Variants in KCNAB1 observed in about 807,000 individuals in gnomAD.
KCNAB1 encodes voltage-gated potassium channel subunit beta-1.
Under a neutral mutation model 64.6 loss-of-function variants are expected in KCNAB1, and 35 were observed. The observed-to-expected ratio is 0.54, with a 90% CI of 0.41 to 0.72. KCNAB1 has a LOEUF of 0.72. Ranked by LOEUF, KCNAB1 falls within the 30% of genes least tolerant of loss-of-function variation. The probability of loss-of-function intolerance (pLI) is 0.00; values close to 1 mark genes in which losing one functional copy is unlikely to be tolerated. For missense variants in KCNAB1, 401 were observed against 512.9 expected, an observed-to-expected ratio of 0.78 and a Z score of 2.11; for synonymous variants, 177 against 183.8, an observed-to-expected ratio of 0.96 and a Z score of 0.30.
At chr3:156,488,480 T>C (rs1230694031) in intron 8 of KCNAB1, among the ~76,000 whole-genome samples, 1 of 152,010 alleles carries the variant, frequency 6.6e-6, no homozygotes, top group African/African-American at 2.4e-5. Flanking sequence ...GATGGGAGCC[T>C]TCTGTCATGT....
chr3:156,396,132 T>A (rs1713447014), intron 1 of KCNAB1, among the ~76,000 whole-genome samples: 1 of 152,174 alleles, frequency 6.6e-6, no homozygotes, highest in African/African-American at 2.4e-5. Flanking sequence ...TTAAGAACAC[T>A]CCTGTTTGGA....
chr3:156,276,031 T>A (rs544775740), intron 1 of KCNAB1, among the ~76,000 whole-genome samples: 3 of 152,186 alleles, frequency 2.0e-5, no homozygotes, highest in South Asian at 4.1e-4. Flanking sequence ...ATGGCAGCTG[T>A]AGCCTTATGA....
intron 1 of KCNAB1, among the ~76,000 whole-genome samples, chr3:156,350,896 C>T (rs1297429902): frequency 6.6e-6 from 1 of 152,236 alleles, no homozygotes; most frequent in East Asian, 1.9e-4. Context: ...CAGGGGCAGC[C>T]TCTGCCCTCA....
chr3:156,347,658 G>T (rs975785301), intron 1 of KCNAB1, among the ~76,000 whole-genome samples: 1 of 152,196 alleles, frequency 6.6e-6, no homozygotes, highest in Non-Finnish European at 1.5e-5. Flanking sequence ...TCATCAGGTT[G>T]TTTGATAGAC....
chr3:156,457,149 G>A (rs1712495821), intron 3 of KCNAB1: 2 of 1,057,704 alleles, frequency 1.9e-6, no homozygotes, highest in Non-Finnish European at 2.4e-6. Context: ...AGATTAAGAT[G>A]CCATAAAGAA....
intron 1 of KCNAB1, among the ~76,000 whole-genome samples, chr3:156,144,487 C>T (rs1194230779): frequency 1.3e-5 from 2 of 152,190 alleles, no homozygotes; most frequent in African/African-American, 4.8e-5. Context: ...ATGAACTCTT[C>T]TCAATTTATA....
intron 1 of KCNAB1, among the ~76,000 whole-genome samples, chr3:156,393,344 C>T (rs1468215640): frequency 1.3e-5 from 2 of 152,122 alleles, no homozygotes; most frequent in African/African-American, 4.8e-5. Context: ...GCAAACACAT[C>T]CCACTCATCT....
chr3:156,504,056 T>G (rs1361405935), intron 8 of KCNAB1, among the ~76,000 whole-genome samples: 1 of 152,116 alleles, frequency 6.6e-6, no homozygotes, highest in Non-Finnish European at 1.5e-5. Flanking sequence ...CTCCGTATCC[T>G]CCTTTCCCTC....
At chr3:156,414,584 T>G (rs1162317892) in intron 1 of KCNAB1, among the ~76,000 whole-genome samples, 1 of 152,210 alleles carries the variant, frequency 6.6e-6, no homozygotes, top group Non-Finnish European at 1.5e-5. Flanking sequence ...TGGGGTTTCT[T>G]GCCTACACTG....
At chr3:156,216,052 A>G (rs1715298837) in intron 1 of KCNAB1, among the ~76,000 whole-genome samples, 1 of 152,200 alleles carries the variant, frequency 6.6e-6, no homozygotes, top group Non-Finnish European at 1.5e-5. Flanking sequence ...GCCTTTGGAT[A>G]TAGTGGGTAG....
intron 1 of KCNAB1, among the ~76,000 whole-genome samples, chr3:156,218,402 T>A (rs1715460439): frequency 6.6e-6 from 1 of 152,192 alleles, no homozygotes; most frequent in Non-Finnish European, 1.5e-5. Context: ...GTGGTCTTTC[T>A]CTACCTGCCC....
chr3:156,397,473 G>A (rs1430484167), intron 1 of KCNAB1, among the ~76,000 whole-genome samples: 2 of 152,172 alleles, frequency 1.3e-5, no homozygotes, highest in Non-Finnish European at 2.9e-5. Context: ...GCTCATGTGG[G>A]AAATTAAGCT....
chr3:156,420,509 C>T (rs1351718770), intron 1 of KCNAB1, among the ~76,000 whole-genome samples: 1 of 152,202 alleles, frequency 6.6e-6, no homozygotes, highest in Non-Finnish European at 1.5e-5. Context: ...GAAACCAAAA[C>T]TGATGACAAA....
Position 156,153,378 on chromosome 3 carries a change from A to G in KCNAB1, c.275+32492A>G, listed in dbSNP as rs200501161. ...TGCTCATCATGGCATAGCCCACTGT[A>G]TGTTTGTTTCTTCTGAGATATCCAT... On this transcript the variant is annotated intron_variant, in intron 1 of 13. Transcript: ENST00000490337. Among the ~76,000 whole-genome samples the G allele has an allele frequency of 1.6e-4, 24 of 152,266 alleles. No individual in the cohort carries two copies. In the East Asian group the frequency reaches 4.6e-3, roughly 29 times the overall value.
intron 8 of KCNAB1, among the ~76,000 whole-genome samples, chr3:156,501,895 G>T (rs573220601): frequency 5.0e-4 from 76 of 152,120 alleles, no homozygotes; most frequent in Non-Finnish European, 9.4e-4. Flanking sequence ...TTACATGGTG[G>T]CAGGAAGAGA....
At chr3:156,453,570 T>C (rs557672997) in intron 3 of KCNAB1, among the ~76,000 whole-genome samples, 1 of 152,334 alleles carries the variant, frequency 6.6e-6, no homozygotes, top group Admixed American at 6.5e-5. Flanking sequence ...ATATTTACAA[T>C]AAAATTCCTT....
At chr3:156,497,096 G>A (rs1716060470) in intron 8 of KCNAB1, among the ~76,000 whole-genome samples, 1 of 152,110 alleles carries the variant, frequency 6.6e-6, no homozygotes, top group South Asian at 2.1e-4. Flanking sequence ...GAAAAACTAA[G>A]AAAAGCAGTC....
At chr3:156,424,748 G>A (rs1576847665) in intron 2 of KCNAB1, among the ~76,000 whole-genome samples, 2 of 152,248 alleles carry the variant, frequency 1.3e-5, no homozygotes, top group South Asian at 4.2e-4. Flanking sequence ...CCAGTCTCCA[G>A]TTTTTGTTGA....
At chr3:156,534,561 G>C (rs1718925286) in intron 13 of KCNAB1, among the ~76,000 whole-genome samples, 1 of 152,140 alleles carries the variant, frequency 6.6e-6, no homozygotes, top group Admixed American at 6.5e-5. Flanking sequence ...CCTGGAATCT[G>C]AATCTTGAGC....
Sources: allele counts gnomAD v4.1 joint callset (sites outside exome capture counted in the v4.1 genomes callset), GRCh38; gene constraint gnomAD v4.1.1; transcripts MANE v1.5; gene names NCBI Gene and HGNC (gene_info 2026-07-23, HGNC 2026-07-21).